AKT3: variants seen among roughly 807,000 people sequenced by gnomAD.
AKT3 encodes AKT serine/threonine kinase 3, also known as RAC-gamma serine/threonine-protein kinase.
A neutral mutation model predicts 65.3 loss-of-function variants in AKT3; 15 were observed. The ratio of observed to expected loss-of-function variants is 0.23; its 90% CI spans 0.15 to 0.35. The LOEUF is 0.35. Ranked by LOEUF, AKT3 falls within the 10% of genes least tolerant of loss-of-function variation. The pLI, the probability that AKT3 is intolerant of heterozygous loss-of-function variation, is 1.00. For missense variants in AKT3, 243 were observed against 576.5 expected (o/e 0.42, Z 5.92); for synonymous variants, 206 against 183.8 (o/e 1.12, Z -0.98).
intron 2 of AKT3, among the ~76,000 whole-genome samples, chr1:243,766,137 T>G (rs948166676): frequency 6.6e-6 from 1 of 152,184 alleles, no homozygotes; most frequent in Non-Finnish European, 1.5e-5. Flanking sequence ...AAAAACACTA[T>G]TTTAGAAAAT....
downstream of AKT3, among the ~76,000 whole-genome samples, chr1:243,496,513 CAG>C (rs1439836672): frequency 1.3e-5 from 2 of 152,202 alleles, no homozygotes; most frequent in African/African-American, 2.4e-5. Flanking sequence ...CTTGGCCAAA[CAG>C]AGACAGCGTG....
At chr1:243,830,625 C>T (rs1431533766) in intron 2 of AKT3, among the ~76,000 whole-genome samples, 1 of 152,036 alleles carries the variant, frequency 6.6e-6, no homozygotes, top group Non-Finnish European at 1.5e-5. Flanking sequence ...ACTTTAGTTG[C>T]CCACAATATC....
chr1:243,508,683 A>G (rs1156651564), intron 13 of AKT3, among the ~76,000 whole-genome samples: 1 of 131,356 alleles, frequency 7.6e-6, no homozygotes, highest in African/African-American at 3.2e-5. Flanking sequence ...TTTTTTTTTA[A>G]AAGACAGAGT....
chr1:243,662,762 G>A (rs934411000), intron 4 of AKT3, among the ~76,000 whole-genome samples: 4 of 151,974 alleles, frequency 2.6e-5, no homozygotes, highest in African/African-American at 7.2e-5. Context: ...CATATAGAAT[G>A]TCCAAACACC....
chr1:243,825,719 T>A (rs911769696), intron 2 of AKT3, among the ~76,000 whole-genome samples: 1 of 152,192 alleles, frequency 6.6e-6, no homozygotes, highest in Non-Finnish European at 1.5e-5. Flanking sequence ...AATCCTCAGA[T>A]TACCGGCTAC....
At chr1:243,593,156 AGTT>A (rs1676352162) in intron 8 of AKT3, among the ~76,000 whole-genome samples, 1 of 152,240 alleles carries the variant, frequency 6.6e-6, no homozygotes, top group Non-Finnish European at 1.5e-5. Context: ...ATACGAGAAC[AGTT>A]GTTAACACGT....
chr1:243,499,947 A>T lies in AKT3; in HGVS notation c.*5302T>A. On this transcript the variant is annotated 3_prime_UTR_variant, in exon 14 of 14. Transcript: ENST00000673466. Reference sequence around the variant, plus strand: ...CAACGCGGGCGCTGTCCCCGCACGCAGTCGGGCTGGAGCTGGAGTCTGACT... The same window carrying T: ...CAACGCGGGCGCTGTCCCCGCACGCTGTCGGGCTGGAGCTGGAGTCTGACT... 1 of 693,444 alleles carries T rather than the reference A, an allele frequency of 1.4e-6. No individual in the cohort carries two copies. The highest frequency in any genetic ancestry group is 2.6e-6 in the Non-Finnish European group (1 of 384,054). 43.0% of individuals were successfully genotyped at this position (693,444 alleles called of 1,614,324 possible).
At chr1:243,834,455 G>A (rs1572428573) in intron 2 of AKT3, among the ~76,000 whole-genome samples, 1 of 152,278 alleles carries the variant, frequency 6.6e-6, no homozygotes, top group African/African-American at 2.4e-5. Flanking sequence ...GGTAAACACT[G>A]AGTACACATG....
intron 12 of AKT3, among the ~76,000 whole-genome samples, chr1:243,536,485 T>G (rs1410422119): frequency 6.6e-6 from 1 of 152,204 alleles, no homozygotes; most frequent in African/African-American, 2.4e-5. Context: ...CTACACATGA[T>G]CTACTTATCA....
chr1:243,637,541 AT>A (rs1276745780), intron 6 of AKT3, 69 bp downstream of exon 6: 1 of 1,352,176 alleles, frequency 7.4e-7, no homozygotes, highest in African/African-American at 1.5e-5. Flanking sequence ...TAGCATGTAA[AT>A]TCATGAGCCC....
chr1:243,552,156 G>A (rs1673118870), intron 11 of AKT3, among the ~76,000 whole-genome samples: 3 of 151,792 alleles, frequency 2.0e-5, no homozygotes. Flanking sequence ...CAGGCGTGGT[G>A]GAGGTGCCTG....
chr1:243,566,559 T>C (rs1347521823), intron 9 of AKT3, among the ~76,000 whole-genome samples: 1 of 152,210 alleles, frequency 6.6e-6, no homozygotes, highest in Admixed American at 6.5e-5. Flanking sequence ...GGTAGCATAC[T>C]GCCTGGGAGG....
intron 10 of AKT3, among the ~76,000 whole-genome samples, chr1:243,561,614 C>A (rs1450289511): frequency 6.6e-6 from 1 of 152,136 alleles, no homozygotes; most frequent in Non-Finnish European, 1.5e-5. Flanking sequence ...AATGCACTTA[C>A]ACAGCAGGTG....
In AKT3 at chr1:243,559,910, T is replaced by C. The variant is rs566960022; in HGVS notation, c.948+3810A>G. Among the ~76,000 whole-genome samples, 5 of 152,190 alleles carry C rather than the reference T, an allele frequency of 3.3e-5. No individual in the cohort carries two copies. The South Asian group carries it at 1.0e-3, about 32-fold the overall frequency. ...TAGAAATTTCAAGGTCCAAAAAAAG[T>C]GCGAGACACCATCTGAGGTAAAAGG... is the stretch of plus-strand genomic sequence containing the variant. On this transcript the variant is annotated intron_variant, in intron 10 of 13. Transcript: ENST00000673466.
At chr1:243,624,210 G>A (rs1678981025) in intron 6 of AKT3, among the ~76,000 whole-genome samples, 1 of 152,144 alleles carries the variant, frequency 6.6e-6, no homozygotes, top group Admixed American at 6.5e-5. Flanking sequence ...AGTCACCAAT[G>A]GCATGAGACG....
intron 2 of AKT3, among the ~76,000 whole-genome samples, chr1:243,801,835 A>C (rs1016320299): frequency 1.3e-5 from 2 of 152,204 alleles, no homozygotes; most frequent in African/African-American, 2.4e-5. Flanking sequence ...CAAATATCCA[A>C]TGGAAAATCT....
At chr1:243,517,014 A>G (rs1207126484) in intron 12 of AKT3, among the ~76,000 whole-genome samples, 1 of 152,188 alleles carries the variant, frequency 6.6e-6, no homozygotes, top group African/African-American at 2.4e-5. Flanking sequence ...CTTTAGCTGT[A>G]TATCACAGCT....
At chr1:243,685,791 A>C (rs953044245) in intron 3 of AKT3, among the ~76,000 whole-genome samples, 15 of 152,152 alleles carry the variant, frequency 9.9e-5, no homozygotes, top group Non-Finnish European at 1.9e-4. Flanking sequence ...AAGGGGATTC[A>C]AATAGGAAGA....
chr1:243,493,535 G>A (rs981102488), intron 13 of AKT3, among the ~76,000 whole-genome samples: 1 of 151,966 alleles, frequency 6.6e-6, no homozygotes, highest in African/African-American at 2.4e-5. Context: ...GGTAGCCGTC[G>A]TATCCTGAGC....
Sources: gnomAD v4.1 joint callset for allele counts (sites outside exome capture counted in the v4.1 genomes callset) on GRCh38, gnomAD v4.1.1 for gene constraint, MANE v1.5 for transcripts, NCBI Gene and HGNC (gene_info 2026-07-23, HGNC 2026-07-21) for gene names.